The following SOX6 variants were observed in gnomAD, a reference collection of about 807,000 sequenced individuals.
The protein encoded by SOX6 is transcription factor SOX-6.
In SOX6, 11 loss-of-function variants were observed where a neutral mutation model predicts 97.8. That is an observed-to-expected ratio of 0.11 (90% confidence interval 0.07 to 0.19). The LOEUF is 0.19. SOX6 is among the 10% of genes least tolerant of loss of function. The pLI is 1.00. For missense variants in SOX6, 810 were observed against 1,039.5 expected (o/e 0.78, Z 3.04); for synonymous variants, 360 against 371.4 (o/e 0.97, Z 0.35).
chr11:16,671,509 G>A (rs1314154809), intron 3 of SOX6, among the ~76,000 whole-genome samples: 3 of 152,112 alleles, frequency 2.0e-5, no homozygotes, highest in African/African-American at 7.2e-5. Flanking sequence ...ACGATTATAA[G>A]TATTAACAGC....
At chr11:16,425,546 T>A (rs963221817) in intron 1 of SOX6, among the ~76,000 whole-genome samples, 9 of 152,286 alleles carry the variant, frequency 5.9e-5, no homozygotes, top group African/African-American at 1.9e-4. Flanking sequence ...ACAGACAACA[T>A]GATCCTACAT....
chr11:16,378,878 AAT>A (rs879476170), intron 1 of SOX6, among the ~76,000 whole-genome samples: 3 of 152,158 alleles, frequency 2.0e-5, no homozygotes, highest in African/African-American at 4.8e-5. Context: ...CTTATAAATC[AAT>A]AAGAATTAAT....
At chr11:16,666,869 T>C (rs1419815517) in intron 3 of SOX6, among the ~76,000 whole-genome samples, 1 of 150,566 alleles carries the variant, frequency 6.6e-6, no homozygotes, top group Non-Finnish European at 1.5e-5. Context: ...ATCTAGAAAA[T>C]AGTCTTAAAA....
intron 4 of SOX6, among the ~76,000 whole-genome samples, chr11:16,491,124 T>C (rs562314572): frequency 7.2e-5 from 11 of 152,210 alleles, no homozygotes; most frequent in African/African-American, 2.4e-4. Flanking sequence ...TATGATTATA[T>C]AGAAAGAAAA....
chr11:16,391,293 A>T (rs1274921195), intron 1 of SOX6, among the ~76,000 whole-genome samples: 2 of 152,140 alleles, frequency 1.3e-5, no homozygotes, highest in Non-Finnish European at 2.9e-5. Context: ...CCTATGTAAC[A>T]AAACTGTACC....
intron 9 of SOX6, among the ~76,000 whole-genome samples, chr11:16,060,318 A>T (rs1006530268): frequency 6.6e-6 from 1 of 151,926 alleles, no homozygotes; most frequent in African/African-American, 2.4e-5. Context: ...GGAAGGCAAG[A>T]CCACATAAAC....
chr11:16,311,634 C>G (rs1276777641), intron 3 of SOX6: 2 of 152,138 alleles, frequency 1.3e-5, no homozygotes, highest in Non-Finnish European at 2.9e-5. Context: ...TGCTCTATGT[C>G]ATCCATCTAG....
intron 2 of SOX6, among the ~76,000 whole-genome samples, chr11:16,720,288 C>G (rs1296450924): frequency 2.1e-5 from 3 of 144,426 alleles, no homozygotes; most frequent in Non-Finnish European, 4.5e-5. Context: ...GACTTGGAAC[C>G]AACCCAAATG....
intron 6 of SOX6, among the ~76,000 whole-genome samples, chr11:16,132,389 AGAAAG>A (rs1849801120): frequency 1.1e-5 from 1 of 89,346 alleles, no homozygotes; most frequent in Middle Eastern, 4.9e-3. Flanking sequence ...AAAGAAAGAA[AGAAAG>A]AAAGAAAAAA....
chr11:16,076,077 G>A (rs1848345271), intron 9 of SOX6, among the ~76,000 whole-genome samples: 1 of 152,048 alleles, frequency 6.6e-6, no homozygotes, highest in South Asian at 2.1e-4. Context: ...ACTGAAGCTG[G>A]ACCCCTTCCT....
At chr11:16,500,405 C>T (rs977645245) in intron 4 of SOX6, among the ~76,000 whole-genome samples, 1 of 152,182 alleles carries the variant, frequency 6.6e-6, no homozygotes, top group African/African-American at 2.4e-5. Context: ...TGGCACAAGA[C>T]AGGGATGCCC....
Position 16,300,648 on chromosome 11 carries a change from A to C in SOX6, c.445+17798T>G, listed in dbSNP as rs1487978241. On this transcript the variant is annotated intron_variant, in intron 3 of 15. Transcript: ENST00000683767. The surrounding 1 kb of genome is among the most constrained non-coding windows in gnomAD (Gnocchi z 4.1). ...AAGCACTTTTAAGCCCTGTTGCAAA[A>C]CAGCAGGAATGGCAGAGCAAGTGGG... 6.6e-6 allele frequency among the ~76,000 whole-genome samples: 1 copy of C among 152,172 alleles called. No individual in the cohort carries two copies. The highest frequency in any genetic ancestry group is 1.5e-5 in the Non-Finnish European group (1 of 68,026).
chr11:15,973,634 T>A (rs761367021), intron 15 of SOX6, among the ~76,000 whole-genome samples: 10 of 152,236 alleles, frequency 6.6e-5, no homozygotes, highest in Non-Finnish European at 1.2e-4. Flanking sequence ...TTGTTATTCA[T>A]GTAAATGTCT....
chr11:16,562,676 G>A (rs922530487), intron 4 of SOX6, among the ~76,000 whole-genome samples: 1 of 152,062 alleles, frequency 6.6e-6, no homozygotes, highest in Non-Finnish European at 1.5e-5. Context: ...CCAGCCAGTA[G>A]CATCCCCATA....
At chr11:16,604,978 A>G (rs1251535971) in intron 4 of SOX6, among the ~76,000 whole-genome samples, 2 of 152,108 alleles carry the variant, frequency 1.3e-5, no homozygotes, top group African/African-American at 4.8e-5. Flanking sequence ...TCCTCCCGGC[A>G]TCGGAGCACA....
intron 4 of SOX6, among the ~76,000 whole-genome samples, chr11:16,215,976 A>G (rs1377084622): frequency 6.6e-6 from 1 of 152,132 alleles, no homozygotes; most frequent in Non-Finnish European, 1.5e-5. Flanking sequence ...CCTTGGTGAC[A>G]AGGGCAGGAG....
At chr11:16,618,914 A>G (rs1848504882) in intron 3 of SOX6, among the ~76,000 whole-genome samples, 1 of 152,040 alleles carries the variant, frequency 6.6e-6, no homozygotes, top group South Asian at 2.1e-4. Context: ...GACTGTGTAC[A>G]ATATACTCAT....
intron 4 of SOX6, among the ~76,000 whole-genome samples, chr11:16,192,066 GC>G (rs1331999366): frequency 6.6e-6 from 1 of 152,028 alleles, no homozygotes; most frequent in African/African-American, 2.4e-5. Context: ...TCAGCCCACA[GC>G]CCCATTCACA....
intron 2 of SOX6, among the ~76,000 whole-genome samples, chr11:16,326,569 C>T (rs941559172): frequency 6.6e-5 from 10 of 152,068 alleles, no homozygotes; most frequent in African/African-American, 2.4e-4. Flanking sequence ...ATGATGACTA[C>T]CTTCTAAGTC....
Sources: gnomAD v4.1 joint callset for allele counts (sites outside exome capture counted in the v4.1 genomes callset) on GRCh38, gnomAD v4.1.1 for gene constraint, Gnocchi (gnomAD v3.1) non-coding constraint, MANE v1.5 for transcripts, NCBI Gene and HGNC (gene_info 2026-07-23, HGNC 2026-07-21) for gene names.